The following PPFIBP2 variants were observed in gnomAD, a reference collection of about 807,000 sequenced individuals.
The protein encoded by PPFIBP2 is liprin-beta-2.
Under a neutral mutation model 118.3 loss-of-function variants are expected in PPFIBP2, and 118 were observed. The observed-to-expected ratio is 1.00, with a 90% CI of 0.86 to 1.16. The LOEUF is 1.16. Among genes scored for constraint, PPFIBP2 ranks in the 50% most tolerant of loss-of-function variants. The pLI, the probability that PPFIBP2 is intolerant of heterozygous loss-of-function variation, is 0.00. For synonymous variants in PPFIBP2, 414 were observed against 397.4 expected (o/e 1.04, Z -0.50); for missense variants, 1,195 against 1,073.1 (o/e 1.11, Z -1.59).
At chr11:7,555,429 G>A (rs747428637) in intron 2 of PPFIBP2, among the ~76,000 whole-genome samples, 2 of 152,216 alleles carry the variant, frequency 1.3e-5, no homozygotes, top group Non-Finnish European at 2.9e-5. Context: ...GATCAAGACC[G>A]AGATTGTTCA....
chr11:7,577,637 G>A, intron 3 of PPFIBP2: 1 of 455,892 alleles, frequency 2.2e-6, no homozygotes, highest in Non-Finnish European at 4.4e-6. Context: ...TGGCTGAAGA[G>A]GGTAAGTGAC....
downstream of PPFIBP2, among the ~76,000 whole-genome samples, chr11:7,660,528 G>A (rs77811910): frequency 0.2 from 28,432 of 144,580 alleles, 2,821 homozygotes; most frequent in Middle Eastern, 0.24. Context: ...GCTTTTTGAT[G>A]TGCTGCTGGA....
intron 1 of PPFIBP2, among the ~76,000 whole-genome samples, chr11:7,525,361 G>A (rs1036409944): frequency 6.6e-6 from 1 of 152,182 alleles, no homozygotes; most frequent in African/African-American, 2.4e-5. Context: ...CCAGTGCTTG[G>A]CACATCATAG....
At chr11:7,565,986 G>A (rs1395927490) in intron 3 of PPFIBP2, among the ~76,000 whole-genome samples, 4 of 152,124 alleles carry the variant, frequency 2.6e-5, no homozygotes, top group African/African-American at 9.7e-5. Flanking sequence ...ATGGTCCACA[G>A]TTGGCCTCTC....
Position 7,653,004 on chromosome 11 carries a change from T to C in PPFIBP2, c.2437-20T>C. 1.3e-6 allele frequency: 2 copies of C among 1,596,168 alleles called. No homozygotes were observed. Among genetic ancestry groups the C allele is most frequent in the Non-Finnish European group, 1.7e-6 (2 of 1,168,552 alleles). Reference sequence around the variant, plus strand: ...CTGCCTTGATTGCCTTCTCATAATCTTGCATTTTCTGTGTTTTAGCCAAGG... The same window carrying C: ...CTGCCTTGATTGCCTTCTCATAATCCTGCATTTTCTGTGTTTTAGCCAAGG... On this transcript the variant is annotated intron_variant, in intron 23 of 23. Transcript: ENST00000299492.
chr11:7,590,754 C>T (rs1406314866), intron 3 of PPFIBP2, among the ~76,000 whole-genome samples: 3 of 152,200 alleles, frequency 2.0e-5, no homozygotes, highest in African/African-American at 7.2e-5. Context: ...TTGCTTTCAC[C>T]TTTGGCCCAT....
intron 2 of PPFIBP2, among the ~76,000 whole-genome samples, chr11:7,563,242 G>A (rs1177287436): frequency 2.0e-5 from 3 of 152,072 alleles, no homozygotes; most frequent in Non-Finnish European, 2.9e-5. Context: ...TAAAATTCAT[G>A]TGTACAGAAT....
chr11:7,609,088 C>T (rs1213550008), intron 5 of PPFIBP2, among the ~76,000 whole-genome samples: 1 of 152,168 alleles, frequency 6.6e-6, no homozygotes, highest in African/African-American at 2.4e-5. Flanking sequence ...CCTACCTTTC[C>T]CAGGTAGGCT....
At chr11:7,626,258 G>A (rs1427602822) in intron 8 of PPFIBP2, among the ~76,000 whole-genome samples, 1 of 152,208 alleles carries the variant, frequency 6.6e-6, no homozygotes, top group African/African-American at 2.4e-5. Flanking sequence ...CACCAAAGGG[G>A]AGGCTTTAGA....
chr11:7,532,034 G>T (rs1850742245), intron 1 of PPFIBP2, among the ~76,000 whole-genome samples: 1 of 152,004 alleles, frequency 6.6e-6, no homozygotes, highest in Admixed American at 6.5e-5. Context: ...TAGAGATGGG[G>T]TTTCACCATG....
At chr11:7,562,395 C>G (rs1854399967) in intron 2 of PPFIBP2, among the ~76,000 whole-genome samples, 2 of 152,212 alleles carry the variant, frequency 1.3e-5, no homozygotes, top group Non-Finnish European at 2.9e-5. Context: ...TGGCAGCAGC[C>G]TTCCCCCAGA....
rs1854374874 is a variant in PPFIBP2, at chr11:7,653,493, C to T, written c.*275C>T. The T allele has an allele frequency of 7.1e-7, 1 of 1,410,432 alleles. No individual in the cohort carries two copies. Among genetic ancestry groups the T allele is most frequent in the African/African-American group, 1.4e-5 (1 of 70,198 alleles). 87.4% of individuals were successfully genotyped at this position (1,410,432 alleles called of 1,614,324 possible). A position where few individuals can be genotyped will look rare whatever the true frequency, so the allele number is the denominator to read the frequency against. On this transcript the variant is annotated 3_prime_UTR_variant, in exon 24 of 24. Coordinates refer to ENST00000299492, the MANE Select transcript of PPFIBP2 (RefSeq NM_003621.5). ...TACATGTCTAGTAATTCTTGATGTT[C>T]ATCTTCAGCACCAGTGGAAACACAT...
At chr11:7,608,570 G>C (rs1847680169) in intron 5 of PPFIBP2, among the ~76,000 whole-genome samples, 1 of 152,218 alleles carries the variant, frequency 6.6e-6, no homozygotes, top group Admixed American at 6.5e-5. Flanking sequence ...AACCTGGGAG[G>C]TGGAGGTTGT....
chr11:7,639,854 C>T lies in PPFIBP2; in HGVS notation c.1359C>T (p.Ser453=), dbSNP rs769215747. ...PTICQPDATG[S]SLLRLRDTES... ...TCTGCCAGCCTGACGCCACGGGGAG[C>T]AGCCTGCTGAGGCTGAGTGAGTGTC... Residue 453 remains serine (S), a synonymous_variant, in exon 15 of 24, where the codon AGC becomes AGT. Coordinates refer to ENST00000299492, the MANE Select transcript of PPFIBP2 (RefSeq NM_003621.5). 2 of 1,614,038 alleles carry T rather than the reference C, an allele frequency of 1.2e-6. No individual in the cohort carries two copies. Among genetic ancestry groups the T allele is most frequent in the Non-Finnish European group, 1.7e-6 (2 of 1,179,964 alleles).
chr11:7,523,304 G>C (rs1408442840), intron 1 of PPFIBP2, among the ~76,000 whole-genome samples: 1 of 152,174 alleles, frequency 6.6e-6, no homozygotes, highest in African/African-American at 2.4e-5. Context: ...CGCTGACACA[G>C]TGGTCACTTC....
intron 9 of PPFIBP2, 42 bp downstream of exon 9, chr11:7,628,388 A>T (rs367761340): frequency 1.9e-6 from 3 of 1,581,182 alleles, no homozygotes; most frequent in African/African-American, 2.7e-5. Flanking sequence ...CCATGCTTAC[A>T]TCCCTGGCTG....
intron 3 of PPFIBP2, among the ~76,000 whole-genome samples, chr11:7,581,258 A>G (rs962898890): frequency 6.6e-6 from 1 of 152,104 alleles, no homozygotes; most frequent in Admixed American, 6.5e-5. Flanking sequence ...CCATGAACAC[A>G]CCTCTAAAAA....
the PPFIBP2 span, chr11:7,666,402 T>C: frequency 1.6e-6 from 2 of 1,238,472 alleles, no homozygotes; most frequent in East Asian, 2.3e-5. Flanking sequence ...CTCAAAGTGG[T>C]CAAGGGTTGG....
chr11:7,616,044 G>A lies in PPFIBP2; in HGVS notation c.619-4891G>A, dbSNP rs553706051. Among the ~76,000 whole-genome samples, 23 of 152,312 alleles carry A rather than the reference G, an allele frequency of 1.5e-4. No homozygotes were observed. The South Asian group carries it at 3.9e-3, about 26-fold the overall frequency. On this transcript the variant is annotated intron_variant, in intron 6 of 23. Transcript: ENST00000299492. This position sits in a 1 kb window ranked among gnomAD's most constrained non-coding sequence, Gnocchi z 5.2. ...TCTACAAAAGGCAGAAAGGACATAT[G>A]CTAAAGACAAAAGTGCACCTGCATG... is the stretch of plus-strand genomic sequence containing the variant.
Sources: gnomAD v4.1 joint callset for allele counts (sites outside exome capture counted in the v4.1 genomes callset) on GRCh38, gnomAD v4.1.1 for gene constraint, Gnocchi (gnomAD v3.1) non-coding constraint, MANE v1.5 for transcripts, NCBI Gene and HGNC (gene_info 2026-07-23, HGNC 2026-07-21) for gene names.